PRORP: variants seen among roughly 807,000 people sequenced by gnomAD.
The protein encoded by PRORP is mitochondrial ribonuclease P catalytic subunit.
Under a neutral mutation model 59.4 loss-of-function variants are expected in PRORP, and 51 were observed. That is an observed-to-expected ratio of 0.86 (90% CI 0.69 to 1.08). PRORP has a LOEUF of 1.08. Ranked by LOEUF, PRORP falls within the 50% of genes least tolerant of loss-of-function variation. PRORP has a pLI of 0.00. For synonymous variants in PRORP, 231 were observed against 245.6 expected (o/e 0.94, Z 0.55); for missense variants, 646 against 690.3 (o/e 0.94, Z 0.72).
chr14:35,132,743 C>T (rs1277068347), intron 4 of PRORP, among the ~76,000 whole-genome samples: 9 of 144,166 alleles, frequency 6.2e-5, no homozygotes, highest in South Asian at 2.2e-4. Flanking sequence ...GCCAAGATTG[C>T]GCCACAGTAC....
chr14:35,265,185 T>G (rs1287041460), intron 5 of PRORP, among the ~76,000 whole-genome samples: 6 of 152,116 alleles, frequency 3.9e-5, no homozygotes, highest in Admixed American at 2.0e-4. Flanking sequence ...GAGGAACTTA[T>G]GAGTAAAGAG....
At chr14:35,141,079 G>A (rs2047470288) in intron 4 of PRORP, among the ~76,000 whole-genome samples, 1 of 145,686 alleles carries the variant, frequency 6.9e-6, no homozygotes, top group Non-Finnish European at 1.5e-5. Context: ...AATTTTAAGT[G>A]AACAAAGCAG....
At position 35,180,618 on chromosome 14, in the gene PRORP, T is replaced by C. The variant is rs149659430; in HGVS notation, c.1168-52T>C. ...AAAGGTCACTGCAGTGTGTTTATAA[T>C]AAAGTCCTTACTGAGTTCTTATTAA... is the stretch of plus-strand genomic sequence containing the variant. On this transcript the variant is annotated intron_variant, in intron 4 of 7. Coordinates refer to ENST00000534898, the MANE Select transcript of PRORP (RefSeq NM_014672.4). 1.3e-4 allele frequency: 149 copies of C among 1,115,110 alleles called. No individual in the cohort carries two copies. In the African/African-American group the frequency reaches 1.8e-3, roughly 13 times the overall value. 69.1% of individuals were successfully genotyped at this position (1,115,110 alleles called of 1,614,324 possible). A position where few individuals can be genotyped will look rare whatever the true frequency, so the allele number is the denominator to read the frequency against.
intron 5 of PRORP, among the ~76,000 whole-genome samples, chr14:35,202,130 C>T (rs911558831): frequency 5.3e-5 from 8 of 151,666 alleles, no homozygotes; most frequent in East Asian, 1.9e-4. Flanking sequence ...CCACCACGCC[C>T]GGCTAACTTT....
intron 5 of PRORP, among the ~76,000 whole-genome samples, chr14:35,254,579 A>G (rs113201843): frequency 0.059 from 8,928 of 152,106 alleles, 430 homozygotes; most frequent in Admixed American, 0.15. Flanking sequence ...TTTAGTAGAG[A>G]TGAGGTTTCT....
chr14:35,267,146 A>G (rs1359599287), intron 6 of PRORP, among the ~76,000 whole-genome samples: 1 of 152,154 alleles, frequency 6.6e-6, no homozygotes. Context: ...TGAGATTAGT[A>G]CACCGAATAC....
intron 2 of PRORP, among the ~76,000 whole-genome samples, chr14:35,125,759 C>T (rs990295103): frequency 1.9e-4 from 29 of 152,128 alleles, no homozygotes; most frequent in African/African-American, 6.5e-4. Context: ...CTGTGGCTCA[C>T]GCCTGTAATC....
chr14:35,186,120 C>CT (rs2048734699), intron 5 of PRORP, among the ~76,000 whole-genome samples: 1 of 150,874 alleles, frequency 6.6e-6, no homozygotes, highest in African/African-American at 2.4e-5. Context: ...GTAGCTGGGA[C>CT]TACATACACA....
At chr14:35,241,418 G>A (rs908141010) in intron 5 of PRORP, among the ~76,000 whole-genome samples, 3 of 151,954 alleles carry the variant, frequency 2.0e-5, no homozygotes, top group Non-Finnish European at 4.4e-5. Context: ...TTTTATATCA[G>A]GGACCTGAGC....
intron 5 of PRORP, among the ~76,000 whole-genome samples, chr14:35,224,185 T>G (rs1231517017): frequency 6.6e-6 from 1 of 152,202 alleles, no homozygotes; most frequent in Non-Finnish European, 1.5e-5. Context: ...AAAAGAACAG[T>G]GCTTCTTCAA....
chr14:35,130,749 G>A (rs1030384355), intron 4 of PRORP, among the ~76,000 whole-genome samples: 5 of 151,842 alleles, frequency 3.3e-5, no homozygotes, highest in Admixed American at 6.6e-5. Flanking sequence ...CTCCCAAAAT[G>A]CTGGGATTAC....
intron 5 of PRORP, among the ~76,000 whole-genome samples, chr14:35,200,482 G>A (rs748385165): frequency 1.3e-5 from 2 of 152,110 alleles, no homozygotes; most frequent in African/African-American, 2.4e-5. Flanking sequence ...GAGCCACCGC[G>A]CCCGGCCTAA....
chr14:35,256,348 TTA>T (rs1356363700), intron 5 of PRORP, among the ~76,000 whole-genome samples: 7 of 136,516 alleles, frequency 5.1e-5, no homozygotes, highest in Admixed American at 2.9e-4. Context: ...TTTTTTTTTT[TTA>T]AGACAGAGTC....
chr14:35,153,174 G>C (rs1040677373), intron 4 of PRORP, among the ~76,000 whole-genome samples: 4 of 152,244 alleles, frequency 2.6e-5, no homozygotes, highest in South Asian at 4.1e-4. Flanking sequence ...GATCACTCGC[G>C]GTTAGGAGTT....
intron 5 of PRORP, among the ~76,000 whole-genome samples, chr14:35,189,529 C>A (rs1470943245): frequency 6.6e-6 from 1 of 150,708 alleles, no homozygotes; most frequent in Non-Finnish European, 1.5e-5. Flanking sequence ...AGAAACTTGG[C>A]AGGGAATTAT....
chr14:35,152,719 C>T (rs529504242), intron 4 of PRORP, among the ~76,000 whole-genome samples: 2 of 144,582 alleles, frequency 1.4e-5, no homozygotes, highest in African/African-American at 2.6e-5. Flanking sequence ...TCAGACGGGT[C>T]GGCCGGGCAG....
chr14:35,169,548 G>A (rs77528002), intron 4 of PRORP, among the ~76,000 whole-genome samples: 28,030 of 152,084 alleles, frequency 0.18, 2,837 homozygotes, highest in Admixed American at 0.27. Context: ...TGTCTTACAC[G>A]GCAGCAGGCA....
intron 5 of PRORP, among the ~76,000 whole-genome samples, chr14:35,196,835 C>T (rs996548214): frequency 6.6e-6 from 1 of 152,086 alleles, no homozygotes; most frequent in African/African-American, 2.4e-5. Flanking sequence ...CTGCTGGGAT[C>T]GTCTGCATCA....
At chr14:35,242,428 T>A (rs1160771922) in intron 5 of PRORP, among the ~76,000 whole-genome samples, 1 of 152,194 alleles carries the variant, frequency 6.6e-6, no homozygotes, top group Non-Finnish European at 1.5e-5. Flanking sequence ...CTTTGAGTAT[T>A]GTTTTTCTTC....
Sources: allele counts gnomAD v4.1 joint callset (sites outside exome capture counted in the v4.1 genomes callset), GRCh38; gene constraint gnomAD v4.1.1; transcripts MANE v1.5; gene names NCBI Gene and HGNC (gene_info 2026-07-23, HGNC 2026-07-21).